DAB2IP: variants seen among roughly 807,000 people sequenced by gnomAD.
DAB2IP encodes the protein disabled homolog 2-interacting protein.
A neutral mutation model predicts 107.2 loss-of-function variants in DAB2IP; 28 were observed. That is an observed-to-expected ratio of 0.26 (90% CI 0.19 to 0.36). The LOEUF is 0.36. DAB2IP is among the 10% of genes least tolerant of loss of function. The probability of loss-of-function intolerance (pLI) is 1.00; values close to 1 mark genes in which losing one functional copy is unlikely to be tolerated. For missense variants in DAB2IP, 1,400 were observed against 1,644.7 expected (o/e 0.85, Z 2.57); for synonymous variants, 755 against 706.4 (o/e 1.07, Z -1.09).
At chr9:121,737,357 ATGT>A (rs1832003085) in intron 3 of DAB2IP, 5 of 985,300 alleles carry the variant, frequency 5.1e-6, no homozygotes, top group Admixed American at 6.1e-5. Flanking sequence ...AAACCTTTAG[ATGT>A]TGTCATCACT....
chr9:121,666,389 A>G (rs1423562506), intron 1 of DAB2IP, among the ~76,000 whole-genome samples: 1 of 152,234 alleles, frequency 6.6e-6, no homozygotes. Flanking sequence ...GGGGAACATT[A>G]TTGTGCGTAG....
At chr9:121,774,585 A>G (rs1004449548) in intron 13 of DAB2IP, among the ~76,000 whole-genome samples, 173 bp downstream of exon 13, 2 of 152,126 alleles carry the variant, frequency 1.3e-5, no homozygotes, top group Non-Finnish European at 2.9e-5. Context: ...TCTGGAAGAA[A>G]AGCAACAAGA....
chr9:121,572,554 G>T (rs1329204497), intron 1 of DAB2IP, among the ~76,000 whole-genome samples: 1 of 152,130 alleles, frequency 6.6e-6, no homozygotes, highest in Non-Finnish European at 1.5e-5. Flanking sequence ...AGGGTGCTGG[G>T]CCCCATGCCC....
At chr9:121,681,732 G>A (rs529057448) in intron 2 of DAB2IP, among the ~76,000 whole-genome samples, 1 of 152,166 alleles carries the variant, frequency 6.6e-6, no homozygotes, top group Non-Finnish European at 1.5e-5. Flanking sequence ...TGTGATTTGA[G>A]ATTCTCTTCT....
chr9:121,676,528 G>A (rs1589497299), intron 1 of DAB2IP, among the ~76,000 whole-genome samples: 1 of 152,158 alleles, frequency 6.6e-6, no homozygotes, highest in East Asian at 1.9e-4. Context: ...TCCCTTGCGA[G>A]TCAACAGGTC....
intron 3 of DAB2IP, among the ~76,000 whole-genome samples, chr9:121,749,931 G>C (rs1003164414): frequency 4.6e-5 from 7 of 152,204 alleles, no homozygotes; most frequent in African/African-American, 1.7e-4. Context: ...ATAGCAGCGT[G>C]TGCATCGTTC....
intron 1 of DAB2IP, among the ~76,000 whole-genome samples, chr9:121,637,723 G>A (rs1316445111): frequency 6.6e-6 from 1 of 152,172 alleles, no homozygotes; most frequent in Non-Finnish European, 1.5e-5. Context: ...TCCCGGGAGA[G>A]GCCCAGCCAG....
chr9:121,615,347 C>T (rs80336264), intron 1 of DAB2IP, among the ~76,000 whole-genome samples: 1 of 152,216 alleles, frequency 6.6e-6, no homozygotes, highest in Non-Finnish European at 1.5e-5. Flanking sequence ...AAACCTCTGA[C>T]TGTAGAACAC....
At chr9:121,696,079 G>A (rs1829412815) in intron 2 of DAB2IP, among the ~76,000 whole-genome samples, 1 of 152,090 alleles carries the variant, frequency 6.6e-6, no homozygotes, top group Non-Finnish European at 1.5e-5. Flanking sequence ...ATCTTGGCCA[G>A]GCTGGTCTTG....
At chr9:121,572,775 C>T (rs1219381165) in intron 1 of DAB2IP, among the ~76,000 whole-genome samples, 1 of 151,980 alleles carries the variant, frequency 6.6e-6, no homozygotes, top group Middle Eastern at 3.2e-3. Flanking sequence ...GTCTGTGACT[C>T]GTACAGGAGC....
intron 6 of DAB2IP, among the ~76,000 whole-genome samples, chr9:121,761,042 AG>A (rs1833850013): frequency 6.6e-6 from 1 of 152,170 alleles, no homozygotes; most frequent in Non-Finnish European, 1.5e-5. Context: ...GTCCTAGTTC[AG>A]GGCCAGAGGT....
rs534115661 is a variant in DAB2IP, at chr9:121,719,636, C to G, written c.362+20178C>G. 1.2e-4 allele frequency among the ~76,000 whole-genome samples: 18 copies of G among 152,252 alleles called. No homozygotes were observed. The East Asian group carries it at 3.5e-3, about 29-fold the overall frequency. ...GCTTGGCCCAGACCCGTGTATGTGC[C>G]AGATTAGACTGGGGGAGGGAGGGCC... On this transcript the variant is annotated intron_variant, in intron 3 of 15. Transcript: ENST00000408936.
intron 9 of DAB2IP, 104 bp from the exon 10 acceptor site, chr9:121,768,328 G>A: frequency 2.4e-6 from 3 of 1,237,082 alleles, no homozygotes; most frequent in Non-Finnish European, 3.6e-6. Flanking sequence ...TGGAGTGGGA[G>A]CCTGCCATAG....
At chr9:121,618,819 G>A (rs141701570) in intron 1 of DAB2IP, among the ~76,000 whole-genome samples, 6 of 152,296 alleles carry the variant, frequency 3.9e-5, no homozygotes, top group Admixed American at 6.5e-5. Context: ...CATCATAATC[G>A]GTTTAATTAT....
intron 6 of DAB2IP, among the ~76,000 whole-genome samples, chr9:121,761,019 C>A (rs1833847648): frequency 6.6e-6 from 1 of 152,174 alleles, no homozygotes; most frequent in Admixed American, 6.5e-5. Context: ...TCGTCTGAGA[C>A]CCACCCAGGC....
chr9:121,691,433 G>A (rs1829154599), intron 2 of DAB2IP, among the ~76,000 whole-genome samples: 1 of 151,864 alleles, frequency 6.6e-6, no homozygotes, highest in Non-Finnish European at 1.5e-5. Flanking sequence ...CGGCTGGGCT[G>A]GTCTCTGGTG....
At chr9:121,737,369 CT>C (rs775176271) in intron 3 of DAB2IP, 6 of 985,458 alleles carry the variant, frequency 6.1e-6, no homozygotes, top group Non-Finnish European at 7.2e-6. Context: ...GTTGTCATCA[CT>C]GTGTTTATTT....
At chr9:121,629,029 C>T (rs116599612) in intron 1 of DAB2IP, among the ~76,000 whole-genome samples, 2 of 152,150 alleles carry the variant, frequency 1.3e-5, no homozygotes, top group African/African-American at 2.4e-5. Context: ...CAATCACTTG[C>T]GCCTGGAGTG....
chr9:121,769,044 G>C (rs964185347), intron 10 of DAB2IP, among the ~76,000 whole-genome samples: 1 of 152,166 alleles, frequency 6.6e-6, no homozygotes, highest in Non-Finnish European at 1.5e-5. Flanking sequence ...ACCATCAGTT[G>C]ACAAGGTTAC....
Sources: gnomAD v4.1 joint callset for allele counts (sites outside exome capture counted in the v4.1 genomes callset) on GRCh38, gnomAD v4.1.1 for gene constraint, MANE v1.5 for transcripts, NCBI Gene and HGNC (gene_info 2026-07-23, HGNC 2026-07-21) for gene names.